The following TSNARE1 variants were observed in gnomAD, a reference collection of about 807,000 sequenced individuals.
TSNARE1 encodes t-SNARE domain containing 1.
A neutral mutation model predicts 62.0 loss-of-function variants in TSNARE1; 49 were observed. The ratio of observed to expected loss-of-function variants is 0.79; its 90% CI spans 0.63 to 1.00. TSNARE1 has a LOEUF of 1.00. TSNARE1 is among the 50% of genes least tolerant of loss of function. TSNARE1 has a pLI of 0.00. For missense variants in TSNARE1, 755 were observed against 700.1 expected, an observed-to-expected ratio of 1.08 and a Z score of -0.88; for synonymous variants, 328 against 294.4, an observed-to-expected ratio of 1.11 and a Z score of -1.17.
chr8:142,374,280 G>A (rs1836142705), intron 1 of TSNARE1, among the ~76,000 whole-genome samples: 2 of 151,884 alleles, frequency 1.3e-5, no homozygotes, highest in African/African-American at 4.8e-5. Context: ...ACTACAGCAT[G>A]GGAGACAGAG....
intron 12 of TSNARE1, chr8:142,269,388 C>G: frequency 1.0e-6 from 1 of 974,690 alleles, no homozygotes; most frequent in Non-Finnish European, 1.2e-6. Flanking sequence ...TGGGGCTCAG[C>G]TAGCACCAGA....
intron 1 of TSNARE1, among the ~76,000 whole-genome samples, chr8:142,357,818 G>C (rs768065132): frequency 6.6e-6 from 1 of 152,180 alleles, no homozygotes; most frequent in Non-Finnish European, 1.5e-5. Flanking sequence ...AAGCCACCAC[G>C]GAGAGAGGAG....
At chr8:142,387,303 C>T (rs755912852) in intron 1 of TSNARE1, among the ~76,000 whole-genome samples, 4 of 151,966 alleles carry the variant, frequency 2.6e-5, no homozygotes, top group African/African-American at 7.3e-5. Flanking sequence ...CATCAGCCCT[C>T]GAATACAAAA....
Position 142,311,290 on chromosome 8 carries a change from G to GTTTTTTTT in TSNARE1, c.1131+3086_1131+3093dup, listed in dbSNP as rs58755110. Among the ~76,000 whole-genome samples the GTTTTTTTT allele has an allele frequency of 7.7e-4, 44 of 57,342 alleles. 2 individuals are homozygous for GTTTTTTTT. Among genetic ancestry groups the GTTTTTTTT allele is most frequent in the African/African-American group, 2.1e-3 (22 of 10,728 alleles). 37.6% of individuals were successfully genotyped at this position (57,342 alleles called of 152,430 possible). ...CGATTCTCCTGCCTCAGCCTCTCTA[G>GTTTTTTTT]TTTTTTTTTTTTTTTTTTTTTTTTG... On this transcript the variant is annotated intron_variant, in intron 9 of 13. Transcript: ENST00000524325.
intron 12 of TSNARE1, among the ~76,000 whole-genome samples, chr8:142,230,128 C>G (rs894268185): frequency 6.6e-6 from 1 of 152,140 alleles, no homozygotes; most frequent in South Asian, 2.1e-4. Context: ...AAGAGAAAGA[C>G]ATTGATCTGT....
At chr8:142,270,295 C>A in intron 12 of TSNARE1, 2 of 985,426 alleles carry the variant, frequency 2.0e-6, no homozygotes, top group Non-Finnish European at 1.2e-6. Flanking sequence ...CAGGCCCCCG[C>A]AGGGAGGCTG....
intron 12 of TSNARE1, among the ~76,000 whole-genome samples, chr8:142,256,344 C>T (rs1283267332): frequency 9.1e-5 from 13 of 143,390 alleles, no homozygotes; most frequent in South Asian, 2.3e-4. Flanking sequence ...CCACCATCAT[C>T]ATCACCATCA....
In TSNARE1 at chr8:142,307,656, T is replaced by C. The variant is rs529410909; in HGVS notation, c.1131+6728A>G. Among the ~76,000 whole-genome samples the C allele has an allele frequency of 2.6e-5, 4 of 152,188 alleles. No homozygotes were observed. The South Asian group carries it at 8.3e-4, about 32-fold the overall frequency. On this transcript the variant is annotated intron_variant, in intron 9 of 13. Transcript: ENST00000524325. ...CTGTCCATGTTCAGAACAGCTGCCA[T>C]CTTTTAAAAATATTTTCAGTCTGAG...
chr8:142,243,397 CCAGGAAATACGA>C (rs1466817145), intron 12 of TSNARE1, among the ~76,000 whole-genome samples: 1 of 152,044 alleles, frequency 6.6e-6, no homozygotes, highest in Non-Finnish European at 1.5e-5. Flanking sequence ...TACATATACA[CCAGGAAATACGA>C]TTCAGCTTCT....
chr8:142,374,530 T>A (rs1836175516), intron 1 of TSNARE1, among the ~76,000 whole-genome samples: 1 of 151,480 alleles, frequency 6.6e-6, no homozygotes, highest in African/African-American at 2.4e-5. Context: ...TACAAAAAAA[T>A]TAGCCAGGCG....
intron 13 of TSNARE1, among the ~76,000 whole-genome samples, chr8:142,217,363 G>GAA (rs1263451478): frequency 7.6e-6 from 1 of 131,230 alleles, no homozygotes; most frequent in African/African-American, 2.7e-5. Context: ...AAGAAAGAAA[G>GAA]AAAGAAAGAA....
chr8:142,301,291 A>G (rs1209851039), intron 9 of TSNARE1, among the ~76,000 whole-genome samples: 1 of 81,546 alleles, frequency 1.2e-5, no homozygotes, highest in African/African-American at 5.1e-5. Context: ...CAGTGCCCCC[A>G]CCTGCCCTGC....
chr8:142,284,461 T>C lies in TSNARE1; in HGVS notation c.1315A>G (p.Ile439Val), dbSNP rs1822339074. ...MESNLLDVNQ[I>V]IKDLASMVSE... is the part of the protein sequence containing the mutation. Reference sequence around the variant, plus strand: ...ACCATGGAGGCCAAGTCCTTGATGATCTGATTCACATCCAGCAAGTTGCTC... The same window carrying C: ...ACCATGGAGGCCAAGTCCTTGATGACCTGATTCACATCCAGCAAGTTGCTC... Residue 439 changes from isoleucine (I) to valine (V), a missense_variant, in exon 11 of 14, where the codon ATC becomes GTC. Physicochemically the swap from Ile to Val is conservative, Grantham distance 29. Coordinates refer to ENST00000524325, the MANE Select transcript of TSNARE1 (RefSeq NM_145003.5). The C allele has an allele frequency of 6.2e-7, 1 of 1,613,652 alleles. No homozygotes were observed. The highest frequency in any genetic ancestry group is 1.7e-5 in the Admixed American group (1 of 59,994).
At chr8:142,231,151 T>A (rs1038648694) in intron 12 of TSNARE1, among the ~76,000 whole-genome samples, 1 of 152,182 alleles carries the variant, frequency 6.6e-6, no homozygotes, top group African/African-American at 2.4e-5. Context: ...CCCTCAACTG[T>A]CTCAATGTCA....
At chr8:142,350,872 C>T (rs1273740183) in intron 2 of TSNARE1, among the ~76,000 whole-genome samples, 5 of 152,158 alleles carry the variant, frequency 3.3e-5, no homozygotes, top group Admixed American at 3.3e-4. Flanking sequence ...GAGACACACT[C>T]GAAGGAGGAG....
chr8:142,341,048 G>C (rs573254420), intron 4 of TSNARE1, among the ~76,000 whole-genome samples: 6 of 152,320 alleles, frequency 3.9e-5, no homozygotes, highest in African/African-American at 1.4e-4. Flanking sequence ...TAACTGCAGA[G>C]CCCGCCTGGG....
chr8:142,355,617 G>C (rs1185678443), intron 1 of TSNARE1, among the ~76,000 whole-genome samples: 1 of 152,182 alleles, frequency 6.6e-6, no homozygotes, highest in African/African-American at 2.4e-5. Context: ...CTCCCTGTGT[G>C]CAGGGGTCCC....
At chr8:142,332,329 A>C (rs1471589649) in intron 4 of TSNARE1, among the ~76,000 whole-genome samples, 2 of 152,162 alleles carry the variant, frequency 1.3e-5, no homozygotes, top group African/African-American at 4.8e-5. Context: ...AAAAGGCCAC[A>C]CGCCGCACGG....
Position 142,274,786 on chromosome 8 carries a change from G to A in TSNARE1, c.1441C>T (p.His481Tyr), listed in dbSNP as rs1456506234. The change falls in exon 12 of 14, where the codon CAC becomes TAC. Residue 481 changes from histidine to tyrosine, a missense_variant. Transcript: ENST00000524325. ...ARQLLAGASR[H>Y]QLQRHKIKCC... Reference sequence around the variant, plus strand: ...TGGCCCTCACACGGACTTACTTGGTGCCGGCTGGCTCCAGCCAGGAGCTGG... The same window carrying A: ...TGGCCCTCACACGGACTTACTTGGTACCGGCTGGCTCCAGCCAGGAGCTGG... 4 of 1,569,424 alleles carry A rather than the reference G, an allele frequency of 2.5e-6. No homozygotes were observed. Among genetic ancestry groups the A allele is most frequent in the Non-Finnish European group, 3.5e-6 (4 of 1,158,254 alleles).
Sources: gnomAD v4.1 joint callset for allele counts (sites outside exome capture counted in the v4.1 genomes callset) on GRCh38, gnomAD v4.1.1 for gene constraint, MANE v1.5 for transcripts, NCBI Gene and HGNC (gene_info 2026-07-23, HGNC 2026-07-21) for gene names.